The following PHF24 variants were observed in gnomAD, a reference collection of about 807,000 sequenced individuals.
PHF24 encodes the protein PHD finger protein 24, also known as Galpha inhibitory interacting protein.
In PHF24, 25 loss-of-function variants were observed where a neutral mutation model predicts 42.6. The observed-to-expected ratio is 0.59, with a 90% CI of 0.43 to 0.82. The LOEUF (loss-of-function observed/expected upper bound fraction) is 0.82, where lower values mean the gene tolerates loss of function less well. Among genes scored for constraint, PHF24 ranks in the 40% least tolerant of loss-of-function variants. The pLI is 0.00. For synonymous variants in PHF24, 185 were observed against 204.8 expected, an observed-to-expected ratio of 0.90 and a Z score of 0.83; for missense variants, 470 against 538.1, an observed-to-expected ratio of 0.87 and a Z score of 1.25.
chr9:34,938,764 C>T, the PHF24 span, among the ~76,000 whole-genome samples: 1 of 122,032 alleles, frequency 8.2e-6, no homozygotes. Context: ...CCCATCTCTA[C>T]TAAAAATACA....
the PHF24 span, among the ~76,000 whole-genome samples, chr9:34,950,279 C>T: frequency 1.4e-5 from 2 of 143,218 alleles, no homozygotes; most frequent in Non-Finnish European, 3.0e-5. Flanking sequence ...ACCCAAGAGG[C>T]GGAGGTTGCA....
the PHF24 span, among the ~76,000 whole-genome samples, chr9:34,850,476 T>A: frequency 6.6e-6 from 1 of 152,194 alleles, no homozygotes; most frequent in Non-Finnish European, 1.5e-5. Context: ...CACTTCTCTG[T>A]ATTGGTTATT....
At chr9:34,836,283 T>A in the PHF24 span, among the ~76,000 whole-genome samples, 4 of 152,206 alleles carry the variant, frequency 2.6e-5, no homozygotes, top group Admixed American at 1.3e-4. Flanking sequence ...CAGAAGGGCA[T>A]GGCCCTCAGA....
the PHF24 span, among the ~76,000 whole-genome samples, chr9:34,689,236 T>G: frequency 1.3e-5 from 2 of 152,146 alleles, no homozygotes; most frequent in South Asian, 2.1e-4. This position sits in a 1 kb window ranked among gnomAD's most constrained non-coding sequence, Gnocchi z 4.1. Flanking sequence ...CTTGAACACC[T>G]GCCTTGGAGA....
chr9:34,941,716 A>T, the PHF24 span, among the ~76,000 whole-genome samples: 1 of 152,130 alleles, frequency 6.6e-6, no homozygotes, highest in East Asian at 1.9e-4. Flanking sequence ...TCTCACTGTA[A>T]CCTTACATGG....
the PHF24 span, among the ~76,000 whole-genome samples, chr9:34,857,093 C>T: frequency 6.6e-6 from 1 of 152,188 alleles, no homozygotes; most frequent in African/African-American, 2.4e-5. Flanking sequence ...ATCCCTGGTG[C>T]CAGCAGGCTA....
At chr9:34,835,730 C>T in the PHF24 span, 1 of 1,551,122 alleles carries the variant, frequency 6.4e-7, no homozygotes, top group Non-Finnish European at 8.7e-7. Context: ...ATGCCATCTG[C>T]ATACGTTGAC....
the PHF24 span, among the ~76,000 whole-genome samples, chr9:34,914,217 A>G: frequency 1.3e-5 from 2 of 152,200 alleles, no homozygotes; most frequent in East Asian, 3.9e-4. Flanking sequence ...TTAAAAAAAT[A>G]TTTTATGTCA....
chr9:34,785,921 G>C, the PHF24 span, among the ~76,000 whole-genome samples: 4 of 152,120 alleles, frequency 2.6e-5, no homozygotes, highest in Non-Finnish European at 5.9e-5. Flanking sequence ...TTGTGTATGA[G>C]ATATCAAGGA....
At chr9:34,959,290 T>A (rs1422289241) in intron 1 of PHF24, among the ~76,000 whole-genome samples, 1 of 152,196 alleles carries the variant, frequency 6.6e-6, no homozygotes, top group African/African-American at 2.4e-5. Context: ...ATAAAGGATG[T>A]ATGGGATTGT....
the PHF24 span, among the ~76,000 whole-genome samples, chr9:34,819,250 T>A: frequency 6.6e-6 from 1 of 152,104 alleles, no homozygotes; most frequent in Admixed American, 6.5e-5. Flanking sequence ...TCATTAAGAT[T>A]CTATATTGTT....
At chr9:34,918,316 G>C in the PHF24 span, 3 of 947,284 alleles carry the variant, frequency 3.2e-6, no homozygotes, top group Admixed American at 5.3e-5. Flanking sequence ...ACCTCCAGCT[G>C]TCGAGCCCCT....
At chr9:34,816,669 C>T in the PHF24 span, among the ~76,000 whole-genome samples, 19 of 152,166 alleles carry the variant, frequency 1.2e-4, no homozygotes, top group Non-Finnish European at 2.4e-4. Context: ...AGGGCTGAGC[C>T]TCCCAAAGTC....
At chr9:34,933,599 C>T in the PHF24 span, among the ~76,000 whole-genome samples, 4 of 151,360 alleles carry the variant, frequency 2.6e-5, no homozygotes, top group African/African-American at 9.7e-5. Flanking sequence ...GTGGTGGGCA[C>T]CTGTAGTCCC....
At chr9:34,880,203 C>G in the PHF24 span, among the ~76,000 whole-genome samples, 3 of 152,140 alleles carry the variant, frequency 2.0e-5, no homozygotes, top group Admixed American at 6.5e-5. Flanking sequence ...GAAGGAAGCA[C>G]TAAACATGGA....
At chr9:34,974,227 CAT>C (rs929658163) in intron 3 of PHF24, among the ~76,000 whole-genome samples, 23 of 152,192 alleles carry the variant, frequency 1.5e-4, no homozygotes, top group African/African-American at 5.3e-4. Context: ...AACCACCTAT[CAT>C]ATAATCTGAC....
chr9:34,877,097 A>G, the PHF24 span, among the ~76,000 whole-genome samples: 110 of 152,262 alleles, frequency 7.2e-4, 1 homozygote, highest in African/African-American at 2.6e-3. Flanking sequence ...GCCTGGCAAC[A>G]TGACGAAACC....
At chr9:34,962,683 G>A (rs1826633795) in intron 1 of PHF24, among the ~76,000 whole-genome samples, 1 of 152,220 alleles carries the variant, frequency 6.6e-6, no homozygotes, top group African/African-American at 2.4e-5. Flanking sequence ...AACAGGGAGT[G>A]CCTCTCCATC....
chr9:34,770,296 T>C, the PHF24 span, among the ~76,000 whole-genome samples: 2 of 152,124 alleles, frequency 1.3e-5, no homozygotes, highest in East Asian at 1.9e-4. Context: ...GTCAAACTTA[T>C]AAGATAGATG....
Sources: gnomAD v4.1 joint callset for allele counts (sites outside exome capture counted in the v4.1 genomes callset) on GRCh38, gnomAD v4.1.1 for gene constraint, Gnocchi (gnomAD v3.1) non-coding constraint, MANE v1.5 for transcripts, NCBI Gene and HGNC (gene_info 2026-07-23, HGNC 2026-07-21) for gene names.